The following FGF10 variants were observed in gnomAD, a reference collection of about 807,000 sequenced individuals.
FGF10 encodes the protein FGF-10.
FGF10 carries 2 observed loss-of-function variants against 19.8 expected under a neutral mutation model. The ratio of observed to expected loss-of-function variants is 0.10; its 90% CI spans 0.04 to 0.32. The LOEUF (loss-of-function observed/expected upper bound fraction) is 0.32. Ranked by LOEUF, FGF10 falls within the 10% of genes least tolerant of loss-of-function variation. FGF10 has a pLI of 1.00. For missense variants in FGF10, 191 were observed against 246.3 expected, an observed-to-expected ratio of 0.78 and a Z score of 1.50; for synonymous variants, 112 against 94.0, an observed-to-expected ratio of 1.19 and a Z score of -1.10.
intron 2 of FGF10, among the ~76,000 whole-genome samples, chr5:44,305,394 ACATTT>A (rs1255981464): frequency 1.3e-5 from 2 of 152,196 alleles, no homozygotes; most frequent in Non-Finnish European, 2.9e-5. Context: ...AGCACATGAT[ACATTT>A]TAATTGATCA....
chr5:44,335,525 A>G (rs1178763142), intron 1 of FGF10, among the ~76,000 whole-genome samples: 2 of 152,196 alleles, frequency 1.3e-5, no homozygotes, highest in African/African-American at 2.4e-5. Flanking sequence ...TGTGACAAAT[A>G]TAATGTTTGG....
At chr5:44,305,663 C>T (rs1042823446) in intron 2 of FGF10, among the ~76,000 whole-genome samples, 17 of 152,032 alleles carry the variant, frequency 1.1e-4, no homozygotes, top group Non-Finnish European at 2.4e-4. Context: ...AATAAATACA[C>T]ACACACATTC....
intron 1 of FGF10, among the ~76,000 whole-genome samples, chr5:44,359,294 T>G (rs1480716039): frequency 2.0e-5 from 3 of 151,490 alleles, no homozygotes; most frequent in African/African-American, 7.3e-5. Flanking sequence ...ACACAGGGAA[T>G]GGGATAGCAT....
At chr5:44,349,443 T>TATATATATATCAGA (rs1554038116) in intron 1 of FGF10, among the ~76,000 whole-genome samples, 4 of 12,462 alleles carry the variant, frequency 3.2e-4, no homozygotes, top group East Asian at 2.0e-3. Context: ...TATATATATA[T>TATATATATATCAGA]ATATATATAT....
At chr5:44,355,081 G>A (rs1054427910) in intron 1 of FGF10, among the ~76,000 whole-genome samples, 1 of 151,374 alleles carries the variant, frequency 6.6e-6, no homozygotes, top group Non-Finnish European at 1.5e-5. Flanking sequence ...ATAGTGTATA[G>A]AACTATGGTC....
chr5:44,332,000 A>G (rs763398081), intron 1 of FGF10, among the ~76,000 whole-genome samples: 1 of 152,024 alleles, frequency 6.6e-6, no homozygotes. Context: ...AAACCTACCA[A>G]TTCCTCCCTA....
At chr5:44,325,658 T>G (rs1463089441) in intron 1 of FGF10, among the ~76,000 whole-genome samples, 1 of 147,792 alleles carries the variant, frequency 6.8e-6, no homozygotes, top group Non-Finnish European at 1.5e-5. Flanking sequence ...CACTGCATGT[T>G]CTCACTCATA....
Position 44,304,948 on chromosome 5 carries a change from G to T in FGF10, c.*47C>A. 6.5e-7 allele frequency: 1 copy of T among 1,550,252 alleles called. No homozygotes were observed. The highest frequency in any genetic ancestry group is 8.9e-7 in the Non-Finnish European group (1 of 1,122,258). ...TTCATGAAGAATATCCACTATTCTT[G>T]GCAAAAGAGCCATTGGTTCTACTGC... On this transcript the variant is annotated 3_prime_UTR_variant, in exon 3 of 3. Coordinates refer to ENST00000264664, the MANE Select transcript of FGF10 (RefSeq NM_004465.2).
intron 1 of FGF10, among the ~76,000 whole-genome samples, chr5:44,315,312 C>G (rs960019204): frequency 6.6e-6 from 1 of 151,896 alleles, no homozygotes; most frequent in Non-Finnish European, 1.5e-5. Context: ...TTTTCAAGAG[C>G]AGGGTTTTAA....
intron 1 of FGF10, among the ~76,000 whole-genome samples, chr5:44,337,081 A>T (rs1266098246): frequency 6.6e-6 from 1 of 152,304 alleles, no homozygotes; most frequent in South Asian, 2.1e-4. Flanking sequence ...AACAAATTTT[A>T]ATCCCAAAAA....
At chr5:44,320,747 T>C (rs1174444629) in intron 1 of FGF10, among the ~76,000 whole-genome samples, 1 of 152,144 alleles carries the variant, frequency 6.6e-6, no homozygotes. Context: ...TTTTTTCTTT[T>C]TGAGGTAGGG....
At chr5:44,352,564 A>G (rs1333066916) in intron 1 of FGF10, among the ~76,000 whole-genome samples, 2 of 151,528 alleles carry the variant, frequency 1.3e-5, no homozygotes, top group Non-Finnish European at 3.0e-5. Flanking sequence ...CTTAAAACCC[A>G]CCCCTGTGCT....
chr5:44,326,685 C>G (rs1740622512), intron 1 of FGF10, among the ~76,000 whole-genome samples: 1 of 151,954 alleles, frequency 6.6e-6, no homozygotes, highest in Non-Finnish European at 1.5e-5. Context: ...TTGAGACCAC[C>G]CTTAGTTTAT....
chr5:44,300,491 G>A lies in FGF10; in HGVS notation c.*4504C>T, dbSNP rs781264618. 8.6e-5 allele frequency among the ~76,000 whole-genome samples: 13 copies of A among 151,914 alleles called. No individual in the cohort carries two copies. Among genetic ancestry groups the A allele is most frequent in the Non-Finnish European group, 1.6e-4 (11 of 67,972 alleles). On this transcript the variant is annotated 3_prime_UTR_variant, in exon 3 of 3. Transcript: ENST00000264664. ...CCACAGTGAGCCTAGCTATATCCAG[G>A]GCCCTACTCTTGGCTTAAAACAAAA... is the stretch of plus-strand genomic sequence containing the variant.
chr5:44,341,245 A>G (rs1740963392), intron 1 of FGF10, among the ~76,000 whole-genome samples: 1 of 151,932 alleles, frequency 6.6e-6, no homozygotes, highest in African/African-American at 2.4e-5. Flanking sequence ...GATTCATTGA[A>G]CATGTCTTTT....
rs577313157 is a variant in FGF10, at chr5:44,337,845, G to A, written c.326-27315C>T. On this transcript the variant is annotated intron_variant, in intron 1 of 2. Transcript: ENST00000264664. ...AGTCCCAGCTACATGGGAGGCTGAC[G>A]CAGGAGAATCACTTGAACCCGGGAG... Among the ~76,000 whole-genome samples the A allele has an allele frequency of 3.3e-5, 5 of 152,250 alleles. No individual in the cohort carries two copies. In the East Asian group the frequency reaches 7.7e-4, roughly 24 times the overall value.
At chr5:44,350,937 T>C (rs145558101) in intron 1 of FGF10, among the ~76,000 whole-genome samples, 1 of 151,492 alleles carries the variant, frequency 6.6e-6, no homozygotes, top group Non-Finnish European at 1.5e-5. Context: ...TAGTAAATAA[T>C]GCCCGCTGAT....
At chr5:44,311,982 T>C (rs559935847) in intron 1 of FGF10, among the ~76,000 whole-genome samples, 2 of 152,128 alleles carry the variant, frequency 1.3e-5, no homozygotes, top group African/African-American at 2.4e-5. Flanking sequence ...CAAGTTGACA[T>C]AACCAGAGAC....
chr5:44,334,371 A>G (rs1348600381), intron 1 of FGF10, among the ~76,000 whole-genome samples: 2 of 152,136 alleles, frequency 1.3e-5, no homozygotes, highest in Non-Finnish European at 2.9e-5. Flanking sequence ...GGCATTGTCT[A>G]CAAAGAAATC....
Sources: gnomAD v4.1 joint callset for allele counts (sites outside exome capture counted in the v4.1 genomes callset) on GRCh38, gnomAD v4.1.1 for gene constraint, MANE v1.5 for transcripts, NCBI Gene and HGNC (gene_info 2026-07-23, HGNC 2026-07-21) for gene names.